MUC22: variants seen among roughly 807,000 people sequenced by gnomAD.
MUC22 encodes mucin 22, also known as mucin-22.
In MUC22, 24 loss-of-function variants were observed where a neutral mutation model predicts 40.3. That is an observed-to-expected ratio of 0.60 (90% CI 0.43 to 0.84). MUC22 has a LOEUF of 0.84. Ranked by LOEUF, MUC22 falls within the 40% of genes least tolerant of loss-of-function variation. The pLI, the probability that MUC22 is intolerant of heterozygous loss-of-function variation, is 0.00. For synonymous variants in MUC22, 765 were observed against 844.5 expected, an observed-to-expected ratio of 0.91 and a Z score of 1.63; for missense variants, 1,926 against 2,130.7, an observed-to-expected ratio of 0.90 and a Z score of 1.89.
In MUC22 at chr6:31,027,357, C is replaced by A. The variant is rs572923319; in HGVS notation, c.1926C>A (p.Gly642=). The change falls in exon 2 of 4, where the codon GGC becomes GGA. Residue 642 remains glycine, a synonymous_variant. Transcript: ENST00000561890. ...AGACCACCACAGCTTCCACTGAAGGCTCTGAGGCCACTACAGTCTCCACCA... is the reference window on the plus strand; with the variant it reads ...AGACCACCACAGCTTCCACTGAAGGATCTGAGGCCACTACAGTCTCCACCA... The A allele has an allele frequency of 5.9e-5, 91 of 1,533,386 alleles. 3 individuals are homozygous for A. In the African/African-American group the frequency reaches 1.2e-3, roughly 20 times the overall value. The allele number at this position is 1,533,386 out of a possible 1,614,324, so 95.0% of individuals were successfully genotyped here.
At chr6:31,027,857 C>T (rs1249509510) in exon 2 of MUC22, 1 of 1,534,524 alleles carries the variant, frequency 6.5e-7, no homozygotes, top group East Asian at 2.5e-5. Context: ...ACCACCACTT[C>T]CACTGAAGGC....
intron 1 of MUC22, among the ~76,000 whole-genome samples, chr6:31,019,624 T>A (rs183297387): frequency 6.6e-6 from 1 of 152,202 alleles, no homozygotes; most frequent in African/African-American, 2.4e-5. Flanking sequence ...GAGGCTGAGG[T>A]GGGCAGATCA....
chr6:31,016,504 G>C (rs574621122), intron 1 of MUC22, among the ~76,000 whole-genome samples: 1 of 152,236 alleles, frequency 6.6e-6, no homozygotes, highest in Non-Finnish European at 1.5e-5. Flanking sequence ...ATCCTGTCTA[G>C]AGCATACTAG....
chr6:31,017,434 T>C (rs1044612706), intron 1 of MUC22, among the ~76,000 whole-genome samples: 1 of 152,090 alleles, frequency 6.6e-6, no homozygotes, highest in Non-Finnish European at 1.5e-5. Flanking sequence ...GGATTGTAAA[T>C]ACACCAATCA....
exon 2 of MUC22, chr6:31,027,507 C>T (rs1562608562): frequency 1.3e-6 from 2 of 1,531,148 alleles, no homozygotes; most frequent in East Asian, 2.5e-5. Flanking sequence ...CTACTGAAGG[C>T]TCTGAGATCA....
chr6:31,031,478 C>A lies in MUC22; in HGVS notation c.4670-718C>A, dbSNP rs375493794. Among the ~76,000 whole-genome samples the A allele has an allele frequency of 1.5e-3, 224 of 152,294 alleles. 7 individuals carry two copies. The South Asian group carries it at 0.036, about 24-fold the overall frequency. ...GAAGCAGGGCCTGCCGCTTTGTATA[C>A]CAGCCCACCCACTTATTTGATCTGC... On this transcript the variant is annotated intron_variant, in intron 2 of 3. Coordinates refer to ENST00000561890, the Ensembl canonical transcript of MUC22.
chr6:31,028,683 C>T lies in MUC22; in HGVS notation c.3252C>T (p.Thr1084=). The T allele has an allele frequency of 8.5e-6, 13 of 1,532,902 alleles. 1 individual carries two copies. Among genetic ancestry groups the T allele is most frequent in the Non-Finnish European group, 8.7e-6 (10 of 1,145,600 alleles). The allele number at this position is 1,532,902 out of a possible 1,614,324, so 95.0% of individuals were successfully genotyped here. A position where few individuals can be genotyped will look rare whatever the true frequency, so the allele number is the denominator to read the frequency against. The change falls in exon 2 of 4, where the codon ACC becomes ACT. Residue 1084 remains threonine, a synonymous_variant. Transcript: ENST00000561890. ...CAGTCTCCACTGCAGGCTCTGAGAC[C>T]ATCCCAGCCTCTACAGCAGGCTCTG...
chr6:31,016,159 C>A (rs1764187700), intron 1 of MUC22, among the ~76,000 whole-genome samples: 1 of 141,252 alleles, frequency 7.1e-6, no homozygotes. Flanking sequence ...GGGTGCTATA[C>A]TTTCTCTTAT....
exon 2 of MUC22, chr6:31,029,264 C>A: frequency 6.5e-7 from 1 of 1,527,598 alleles, no homozygotes; most frequent in Non-Finnish European, 8.8e-7. Context: ...ACTACCATCA[C>A]CTCTACTGAA....
In MUC22 at chr6:31,030,034, A is replaced by G. The variant is rs1166778563; in HGVS notation, c.4603A>G (p.Thr1535Ala). 7 of 1,535,554 alleles carry G rather than the reference A, an allele frequency of 4.6e-6. No homozygotes were observed. The African/African-American group carries it at 8.2e-5, about 18-fold the overall frequency. The change falls in exon 2 of 4, where the codon ACC becomes GCC. Residue 1535 changes from threonine (T) to alanine (A), a missense_variant. Physicochemically the swap from Thr to Ala is moderately conservative, Grantham distance 58. Transcript: ENST00000561890. ...TGCAGCCTCCACCACTGTCTCTTCCACCACGTTTGTACTCACCAAGGCCAC... is the reference window on the plus strand; with the variant it reads ...TGCAGCCTCCACCACTGTCTCTTCCGCCACGTTTGTACTCACCAAGGCCAC...
intron 1 of MUC22, among the ~76,000 whole-genome samples, chr6:31,021,138 C>T (rs982904083): frequency 4.6e-5 from 7 of 152,286 alleles, no homozygotes; most frequent in Non-Finnish European, 7.3e-5. Context: ...GGCAGCTCCA[C>T]CTGCGGCCCC....
chr6:31,013,078 C>T (rs1763959204), intron 1 of MUC22, among the ~76,000 whole-genome samples: 2 of 150,532 alleles, frequency 1.3e-5, no homozygotes, highest in Non-Finnish European at 3.0e-5. Context: ...AACGTCCCCG[C>T]ATCACTCCTC....
chr6:31,030,942 A>G (rs974339241), intron 2 of MUC22, among the ~76,000 whole-genome samples: 1 of 152,210 alleles, frequency 6.6e-6, no homozygotes, highest in Non-Finnish European at 1.5e-5. Context: ...TGCAACAGAG[A>G]CAGCCTGGCC....
chr6:31,034,797 G>A (rs929740001), exon 4 of MUC22: 6 of 1,535,740 alleles, frequency 3.9e-6, no homozygotes, highest in Non-Finnish European at 4.4e-6. Context: ...GAAATGCACT[G>A]GTTCATGGAG....
upstream of MUC22, among the ~76,000 whole-genome samples, chr6:31,009,410 T>C (rs2150736478): frequency 6.6e-6 from 1 of 152,214 alleles, no homozygotes; most frequent in South Asian, 2.1e-4. Context: ...CTACCCGCTT[T>C]CCAGATCAAG....
At chr6:31,028,225 G>C (rs1405805387) in exon 2 of MUC22, 5 of 1,533,964 alleles carry the variant, frequency 3.3e-6, no homozygotes, top group Non-Finnish European at 4.4e-6. Flanking sequence ...ATCTGCCACA[G>C]GCTCTGAGAC....
intron 1 of MUC22, 59 bp from the exon 2 acceptor site, chr6:31,025,443 C>G (rs1765197087): frequency 6.9e-7 from 1 of 1,440,250 alleles, no homozygotes. Context: ...TAACACTATA[C>G]TAAACCTGCA....
In MUC22 at chr6:31,032,370, G is replaced by A; in HGVS notation, c.4844G>A (p.Arg1615Lys). 2 of 1,535,676 alleles carry A rather than the reference G, an allele frequency of 1.3e-6. No individual in the cohort carries two copies. Among genetic ancestry groups the A allele is most frequent in the Non-Finnish European group, 1.7e-6 (2 of 1,146,898 alleles). ...TCTACCACCTCAGCCCACGGCGTCA[G>A]GACCACCACAGGATCCACCCGTGAG... is the stretch of plus-strand genomic sequence containing the variant. The change falls in exon 3 of 4, where the codon AGG becomes AAG. Residue 1615 changes from arginine to lysine, a missense_variant. Coordinates refer to ENST00000561890, the Ensembl canonical transcript of MUC22. The surrounding 1 kb of genome is among the most constrained non-coding windows in gnomAD (Gnocchi z 4.1).
chr6:31,026,475 C>T (rs1337867931), exon 2 of MUC22: 7 of 1,504,664 alleles, frequency 4.7e-6, no homozygotes, highest in South Asian at 2.4e-5. Context: ...CTGAGACCAC[C>T]GTCTCCACTG....
Sources: gnomAD v4.1 joint callset for allele counts (sites outside exome capture counted in the v4.1 genomes callset) on GRCh38, gnomAD v4.1.1 for gene constraint, Gnocchi (gnomAD v3.1) non-coding constraint, MANE v1.5 for transcripts, NCBI Gene and HGNC (gene_info 2026-07-23, HGNC 2026-07-21) for gene names.